CTNNA1: variants seen among roughly 807,000 people sequenced by gnomAD.
The protein encoded by CTNNA1 is catenin alpha 1.
A neutral mutation model predicts 98.4 loss-of-function variants in CTNNA1; 37 were observed. The ratio of observed to expected loss-of-function variants is 0.38; its 90% CI spans 0.29 to 0.49. The LOEUF is 0.49. Ranked by LOEUF, CTNNA1 falls within the 20% of genes least tolerant of loss-of-function variation. The pLI is 0.95. For missense variants in CTNNA1, 761 were observed against 1,147.2 expected, an observed-to-expected ratio of 0.66 and a Z score of 4.86; for synonymous variants, 404 against 413.2, an observed-to-expected ratio of 0.98 and a Z score of 0.27.
intron 14 of CTNNA1, 69 bp from the exon 15 acceptor site, chr5:138,930,404 T>C (rs1358519629): frequency 3.5e-6 from 4 of 1,150,114 alleles, no homozygotes; most frequent in Non-Finnish European, 5.1e-6. Context: ...TTGGAAATAT[T>C]CTTGGCTAAT....
At position 138,863,226 on chromosome 5, in the gene CTNNA1, T is replaced by TTA. The variant is rs879558670; in HGVS notation, c.1063-22973_1063-22972dup. Among the ~76,000 whole-genome samples, 438 of 151,298 alleles carry TTA rather than the reference T, an allele frequency of 2.9e-3. 1 individual carries two copies. The highest frequency in any genetic ancestry group is 4.9e-3 in the Non-Finnish European group (335 of 67,792). The stretch of plus-strand genomic sequence containing the variant: ...AGGCTAATGATTGCTTCATCTTTTT[T>TTA]TATATATATATATAATTTATTTTTT... On this transcript the variant is annotated intron_variant, in intron 7 of 17. Coordinates refer to ENST00000302763, the MANE Select transcript of CTNNA1 (RefSeq NM_001903.5).
intron 11 of CTNNA1, among the ~76,000 whole-genome samples, chr5:138,918,944 G>T (rs1762366195): frequency 6.6e-6 from 1 of 152,138 alleles, no homozygotes; most frequent in African/African-American, 2.4e-5. Context: ...CCTATATAAG[G>T]GTGACTGTGT....
rs577216285 is a variant in CTNNA1, at chr5:138,894,697, C to G, written c.1296+7055C>G. ...TGATTATGATTTTCTAGCACTAACC[C>G]TGTCCCTCCCCTGACCCACCCATCC... is the stretch of plus-strand genomic sequence containing the variant. On this transcript the variant is annotated intron_variant, in intron 9 of 17. Transcript: ENST00000302763. 3.9e-5 allele frequency among the ~76,000 whole-genome samples: 6 copies of G among 152,176 alleles called. No individual in the cohort carries two copies. The East Asian group carries it at 9.7e-4, about 24-fold the overall frequency.
chr5:138,818,118 C>CT (rs904669286), intron 5 of CTNNA1, among the ~76,000 whole-genome samples: 7 of 150,520 alleles, frequency 4.7e-5, no homozygotes, highest in African/African-American at 9.8e-5. Flanking sequence ...TGATTTCCCC[C>CT]TTTTTTTTCC....
intron 5 of CTNNA1, among the ~76,000 whole-genome samples, chr5:138,822,486 A>T (rs1264528060): frequency 2.0e-5 from 3 of 152,228 alleles, no homozygotes; most frequent in Non-Finnish European, 2.9e-5. Flanking sequence ...AAGCATTTTT[A>T]TAAAACGGTA....
intron 1 of CTNNA1, among the ~76,000 whole-genome samples, chr5:138,779,042 C>G (rs1303084228): frequency 1.3e-5 from 2 of 152,110 alleles, no homozygotes; most frequent in Non-Finnish European, 2.9e-5. Flanking sequence ...CTACGCCTGG[C>G]TAATTTTTGT....
At chr5:138,852,859 T>TCGCGCGCGCGCACGCGCACACACACACG (rs147859798) in intron 7 of CTNNA1, among the ~76,000 whole-genome samples, 1 of 15,644 alleles carries the variant, frequency 6.4e-5, no homozygotes. Flanking sequence ...TTCCCTCTTT[T>TCGCGCGCGCGCACGCGCACACACACACG]CGCGCGCGCG....
At chr5:138,858,780 G>A (rs1198134044) in intron 7 of CTNNA1, among the ~76,000 whole-genome samples, 1 of 152,024 alleles carries the variant, frequency 6.6e-6, no homozygotes, top group East Asian at 1.9e-4. Context: ...TGTATTTTTA[G>A]TAGAGACAGG....
intron 5 of CTNNA1, among the ~76,000 whole-genome samples, chr5:138,818,151 A>T (rs1259197432): frequency 7.5e-6 from 1 of 134,216 alleles, no homozygotes. Context: ...TTTTTTTCAG[A>T]CAGGGTCTTG....
At chr5:138,763,872 C>T (rs1752617942) in intron 1 of CTNNA1, among the ~76,000 whole-genome samples, 1 of 99,304 alleles carries the variant, frequency 1.0e-5, no homozygotes, top group Non-Finnish European at 2.3e-5. Context: ...AAGCTTTGGA[C>T]TGACTTTTAA....
rs201780214 is a variant in CTNNA1 at position 138,814,250 on chromosome 5, C to CTT, written c.588+1962_588+1963dup. Among the ~76,000 whole-genome samples, 110 of 136,720 alleles carry CTT rather than the reference C, an allele frequency of 8.0e-4. 1 individual carries two copies. The highest frequency in any genetic ancestry group is 2.7e-3 in the African/African-American group (102 of 37,844). 89.7% of individuals were successfully genotyped at this position (136,720 alleles called of 152,430 possible). A position where few individuals can be genotyped will look rare whatever the true frequency, so the allele number is the denominator to read the frequency against. ...CCCAAGTTAGTGTAGGCTCAGTGTG[C>CTT]TTTTTTTTTTTTTTTGAGATGGAGT... is the stretch of plus-strand genomic sequence containing the variant. On this transcript the variant is annotated intron_variant, in intron 5 of 17. Coordinates refer to ENST00000302763, the MANE Select transcript of CTNNA1 (RefSeq NM_001903.5).
At chr5:138,929,126 A>G in intron 13 of CTNNA1, 120 bp from the exon 14 acceptor site, 1 of 762,858 alleles carries the variant, frequency 1.3e-6, no homozygotes, top group Non-Finnish European at 2.4e-6. Context: ...TACTGTTCAG[A>G]ACACTGCACA....
At chr5:138,924,942 A>G (rs1162767096) in intron 12 of CTNNA1, among the ~76,000 whole-genome samples, 1 of 152,210 alleles carries the variant, frequency 6.6e-6, no homozygotes, top group East Asian at 1.9e-4. Context: ...CACACGATTT[A>G]AGATGAATTT....
chr5:138,854,094 A>G (rs144714891), intron 7 of CTNNA1, among the ~76,000 whole-genome samples: 133 of 152,344 alleles, frequency 8.7e-4, no homozygotes, highest in African/African-American at 3.2e-3. Flanking sequence ...ATTATCATTG[A>G]TATTACATCT....
At chr5:138,832,966 C>T (rs1333946028) in intron 7 of CTNNA1, among the ~76,000 whole-genome samples, 1 of 152,164 alleles carries the variant, frequency 6.6e-6, no homozygotes, top group Non-Finnish European at 1.5e-5. Context: ...TTTCATTCTG[C>T]TGAGGGATAT....
intron 1 of CTNNA1, among the ~76,000 whole-genome samples, chr5:138,768,273 T>G (rs1356064960): frequency 2.6e-5 from 4 of 152,138 alleles, no homozygotes; most frequent in Non-Finnish European, 5.9e-5. Context: ...TTTTGTTGGG[T>G]TTTTGAGATC....
chr5:138,783,554 G>A (rs1050113798), intron 3 of CTNNA1, among the ~76,000 whole-genome samples, 182 bp downstream of exon 3: 4 of 152,068 alleles, frequency 2.6e-5, no homozygotes, highest in African/African-American at 9.7e-5. Flanking sequence ...TCTTATGCTT[G>A]CCAGTTGCTC....
rs1760858804 is a variant in CTNNA1, at chr5:138,827,697, G to A, written c.1041G>A (p.Leu347=). The change falls in exon 7 of 18, where the codon CTG becomes CTA. Residue 347 remains leucine (L), a synonymous_variant. Transcript: ENST00000302763. ...CNAVRQALQD[L]LSEYMGNAGR... The stretch of plus-strand genomic sequence containing the variant: ...CTGTCCGCCAGGCCCTGCAGGACCT[G>A]CTTTCGGAGTACATGGGCAATGTGA... 1 of 1,614,074 alleles carries A rather than the reference G, an allele frequency of 6.2e-7. No homozygotes were observed. Among genetic ancestry groups the A allele is most frequent in the Admixed American group, 1.7e-5 (1 of 60,010 alleles).
At chr5:138,795,395 T>A (rs1756848144) in intron 3 of CTNNA1, among the ~76,000 whole-genome samples, 1 of 151,976 alleles carries the variant, frequency 6.6e-6, no homozygotes, top group Admixed American at 6.6e-5. Context: ...GAGGCGGAGA[T>A]TGCAGTGAGC....
Sources: gnomAD v4.1 joint callset for allele counts (sites outside exome capture counted in the v4.1 genomes callset) on GRCh38, gnomAD v4.1.1 for gene constraint, MANE v1.5 for transcripts, NCBI Gene and HGNC (gene_info 2026-07-23, HGNC 2026-07-21) for gene names.